The following MFSD8 variants were observed in gnomAD, a reference collection of about 807,000 sequenced individuals.
The protein encoded by MFSD8 is major facilitator superfamily domain-containing protein 8.
MFSD8 carries 55 observed loss-of-function variants against 66.4 expected under a neutral mutation model. The ratio of observed to expected loss-of-function variants is 0.83; its 90% CI spans 0.67 to 1.04. The LOEUF (loss-of-function observed/expected upper bound fraction) is 1.04, where lower values mean the gene tolerates loss of function less well. Ranked by LOEUF, MFSD8 falls within the 50% of genes least tolerant of loss-of-function variation. The pLI is 0.00. For missense variants in MFSD8, 550 were observed against 627.6 expected (o/e 0.88, Z 1.32); for synonymous variants, 202 against 212.8 (o/e 0.95, Z 0.44).
chr4:127,923,556 TTATTATTATTA>T (rs1481938307), intron 9 of MFSD8, among the ~76,000 whole-genome samples: 51 of 70,610 alleles, frequency 7.2e-4, no homozygotes, highest in African/African-American at 2.2e-3. Context: ...TTTTTATTTA[TTATTATTATTA>T]TTATTATTAT....
rs759190605 is a variant in MFSD8 at position 127,940,003 on chromosome 4, T to C, written c.554-6A>G. 5.0e-6 allele frequency: 8 copies of C among 1,610,506 alleles called. No homozygotes were observed. In the Admixed American group the frequency reaches 5.0e-5, roughly 10 times the overall value. The stretch of plus-strand genomic sequence containing the variant: ...TGTAAAACAAGTCTGAAAAACTTAT[T>C]AAGATAAAATTTTCACAGATGAATT... On this transcript the variant is annotated splice_polypyrimidine_tract_variant and splice_region_variant and intron_variant, in intron 5 of 11. Coordinates refer to ENST00000641686, the MANE Select transcript of MFSD8 (RefSeq NM_001371596.2).
chr4:127,955,598 A>C (rs891180812), intron 2 of MFSD8, among the ~76,000 whole-genome samples: 15 of 151,908 alleles, frequency 9.9e-5, no homozygotes, highest in East Asian at 3.9e-4. Flanking sequence ...ATGCTACTCC[A>C]AAAATCTGCT....
intron 3 of MFSD8, 56 bp from the exon 4 acceptor site, chr4:127,944,048 A>T: frequency 6.2e-7 from 1 of 1,609,616 alleles, no homozygotes; most frequent in Non-Finnish European, 8.5e-7. Context: ...GTTTAAAACT[A>T]AATACATTTG....
chr4:127,961,192 G>A (rs1743680653), intron 1 of MFSD8, among the ~76,000 whole-genome samples: 1 of 152,152 alleles, frequency 6.6e-6, no homozygotes, highest in African/African-American at 2.4e-5. Flanking sequence ...AAAGTGAACA[G>A]GTCCTGCCAA....
At chr4:127,965,309 G>T (rs1302656388), upstream of MFSD8, 6 of 753,304 alleles carry the variant, frequency 8.0e-6, no homozygotes, top group African/African-American at 1.7e-5. Flanking sequence ...GCCGGGCAGC[G>T]CAGGGCGAAA....
intron 1 of MFSD8, among the ~76,000 whole-genome samples, chr4:127,961,744 C>T (rs923957425): frequency 2.0e-5 from 3 of 149,782 alleles, no homozygotes; most frequent in Non-Finnish European, 3.0e-5. Flanking sequence ...TGGCGTGAAC[C>T]CGGGAGGCGG....
chr4:127,962,739 T>A (rs555747795), intron 1 of MFSD8, among the ~76,000 whole-genome samples: 1 of 152,202 alleles, frequency 6.6e-6, no homozygotes, highest in Admixed American at 6.5e-5. Flanking sequence ...AATGTCTCAA[T>A]AGGCTCTCAG....
At chr4:127,938,916 AT>A (rs1360948973) in intron 6 of MFSD8, 78 bp from the exon 7 acceptor site, 251 of 1,136,718 alleles carry the variant, frequency 2.2e-4, no homozygotes, top group Non-Finnish European at 2.5e-4. Context: ...TCGGCATTGT[AT>A]TTTTTTTCAC....
chr4:127,943,114 G>A (rs1334838733), intron 4 of MFSD8, among the ~76,000 whole-genome samples: 1 of 152,086 alleles, frequency 6.6e-6, no homozygotes, highest in African/African-American at 2.4e-5. Context: ...CTACTCGGGA[G>A]GCTGAGGCAG....
At chr4:127,951,009 A>C (rs1464830118) in intron 2 of MFSD8, among the ~76,000 whole-genome samples, 1 of 151,900 alleles carries the variant, frequency 6.6e-6, no homozygotes, top group East Asian at 1.9e-4. Flanking sequence ...GTAGTGAGCC[A>C]AGATTGCACC....
rs149683848 is a variant in MFSD8, at chr4:127,920,707, G to A, written c.1480C>T (p.Leu494Phe). The change falls in exon 12 of 12, where the codon CTC (leucine) becomes TTC (phenylalanine). Residue 494 changes from leucine to phenylalanine, a missense_variant. Leu to Phe is a conservative substitution (Grantham distance 22). Coordinates refer to ENST00000641686, the MANE Select transcript of MFSD8 (RefSeq NM_001371596.2). ...ACCACTCCCAGGAGGGTGATGGTGA[G>A]CACTATTATTCCACACACCAGGCTG... ...AFSLVCGIIV[L>F]TITLLGVVYK... is the part of the protein sequence containing the mutation. The A allele has an allele frequency of 2.5e-6, 4 of 1,613,902 alleles. No homozygotes were observed. The highest frequency in any genetic ancestry group is 2.7e-5 in the African/African-American group (2 of 74,878).
chr4:127,920,380 C>T lies in MFSD8; in HGVS notation c.*250G>A, dbSNP rs980825570. On this transcript the variant is annotated 3_prime_UTR_variant, in exon 12 of 12. Coordinates refer to ENST00000641686, the MANE Select transcript of MFSD8 (RefSeq NM_001371596.2). ...ATTCACTCATTAGTTCATGCAACCA[C>T]AAAAAGGTATTATAAGAATAATATT... is the stretch of plus-strand genomic sequence containing the variant. 12 of 494,290 alleles carry T rather than the reference C, an allele frequency of 2.4e-5. No homozygotes were observed. The highest frequency in any genetic ancestry group is 1.1e-3 in the Middle Eastern group (2 of 1,770). 30.6% of individuals were successfully genotyped at this position (494,290 alleles called of 1,614,324 possible).
At chr4:127,963,727 T>C (rs1465958570) in intron 1 of MFSD8, among the ~76,000 whole-genome samples, 2 of 152,170 alleles carry the variant, frequency 1.3e-5, no homozygotes, top group Non-Finnish European at 2.9e-5. Flanking sequence ...AGTAGCAAGA[T>C]TTATCGCAAA....
chr4:127,949,712 G>A, intron 3 of MFSD8, 92 bp downstream of exon 3: 1 of 1,048,608 alleles, frequency 9.5e-7, no homozygotes, highest in African/African-American at 1.6e-5. Context: ...TTAAACCATA[G>A]AATACCAAAG....
At chr4:127,952,314 G>A (rs995702853) in intron 2 of MFSD8, among the ~76,000 whole-genome samples, 2 of 152,016 alleles carry the variant, frequency 1.3e-5, no homozygotes, top group Non-Finnish European at 2.9e-5. Flanking sequence ...TGAGGCAGGA[G>A]AATGGCGAGA....
At chr4:127,965,388 A>G, upstream of MFSD8, 1 of 590,824 alleles carries the variant, frequency 1.7e-6, no homozygotes, top group Non-Finnish European at 3.0e-6. Context: ...AGAGCCCAGG[A>G]GAGCTCGGGG....
chr4:127,940,585 T>C (rs938305787), intron 5 of MFSD8, among the ~76,000 whole-genome samples: 1 of 148,890 alleles, frequency 6.7e-6, no homozygotes, highest in African/African-American at 2.4e-5. Context: ...TAGTATTATA[T>C]ACAAGTAAAA....
chr4:127,963,647 G>A (rs2148995886), intron 1 of MFSD8, among the ~76,000 whole-genome samples: 1 of 152,178 alleles, frequency 6.6e-6, no homozygotes, highest in African/African-American at 2.4e-5. Context: ...GCTGGCTTCA[G>A]GAGTGAAACT....
chr4:127,941,138 G>A (rs569924843), intron 5 of MFSD8, among the ~76,000 whole-genome samples: 1 of 152,224 alleles, frequency 6.6e-6, no homozygotes, highest in Non-Finnish European at 1.5e-5. Context: ...TTACAATATA[G>A]TATTCAAGTT....
Sources: allele counts gnomAD v4.1 joint callset (sites outside exome capture counted in the v4.1 genomes callset), GRCh38; gene constraint gnomAD v4.1.1; transcripts MANE v1.5; gene names NCBI Gene and HGNC (gene_info 2026-07-23, HGNC 2026-07-21).